HOTAIR: variants seen among roughly 807,000 people sequenced by gnomAD.
The protein encoded by HOTAIR is HOX transcript antisense RNA (non-protein coding).
Position 53,973,765 on chromosome 12 carries a change from GCGAGGCCAAGGGGGAGCC to G in HOTAIR, n.59+1115_59+1132del. On this transcript the variant is annotated intron_variant and non_coding_transcript_variant, in intron 1 of 6. Coordinates refer to ENST00000424518, the Ensembl canonical transcript of HOTAIR. The surrounding 1 kb of genome is among the most constrained non-coding windows in gnomAD (Gnocchi z 4.3). ...GCCGAGCCCCCCTGCTCCGGCAAGGGCGAGGCCAAGGGGGAGCCCGAGGCACCCCCGGCCTCGGGACTG... is the reference window on the plus strand; with the variant it reads ...GCCGAGCCCCCCTGCTCCGGCAAGGGCGAGGCACCCCCGGCCTCGGGACTG... The G allele has an allele frequency of 6.2e-7, 1 of 1,611,802 alleles. No homozygotes were observed. The highest frequency in any genetic ancestry group is 8.5e-7 in the Non-Finnish European group (1 of 1,179,276).
chr12:53,973,437 C>A lies in HOTAIR; in HGVS notation n.59+1461G>T, dbSNP rs1939184970. ...TCAGATCTCCTATCCCTACTCGGCC[C>A]AAGTGCCCCCGGTCCGGGAGGTCTC... On this transcript the variant is annotated intron_variant and non_coding_transcript_variant, in intron 1 of 6. Coordinates refer to ENST00000424518, the Ensembl canonical transcript of HOTAIR. This position sits in a 1 kb window ranked among gnomAD's most constrained non-coding sequence, Gnocchi z 4.3. 2 of 1,614,098 alleles carry A rather than the reference C, an allele frequency of 1.2e-6. No individual in the cohort carries two copies. The highest frequency in any genetic ancestry group is 2.7e-5 in the African/African-American group (2 of 74,936).
At chr12:53,971,504 GCAGCACCTTAT>G (rs1444003484) in intron 1 of HOTAIR, among the ~76,000 whole-genome samples, 10 of 152,210 alleles carry the variant, frequency 6.6e-5, no homozygotes, top group South Asian at 2.1e-4. Context: ...TTTGGGAGCC[GCAGCACCTTAT>G]CATGTTTCAT....
chr12:53,963,405 G>A (rs1362996876), exon 7 of HOTAIR: 1 of 152,228 alleles, frequency 6.6e-6, no homozygotes, highest in Non-Finnish European at 1.5e-5. Flanking sequence ...TCCTAAAATT[G>A]GTCCCATTTG....
intron 4 of HOTAIR, chr12:53,966,231 C>T (rs1172725516): frequency 1.3e-5 from 2 of 152,018 alleles, no homozygotes; most frequent in Non-Finnish European, 2.9e-5. Flanking sequence ...TCCTCCCCCT[C>T]CCTTCCCCCG....
chr12:53,968,165 A>C (rs566462224), intron 2 of HOTAIR: 1 of 152,428 alleles, frequency 6.6e-6, no homozygotes, highest in South Asian at 2.1e-4. Context: ...ACGCACCGGA[A>C]TGTTCCCCAA....
chr12:53,974,178 C>T (rs988671272), intron 1 of HOTAIR, among the ~76,000 whole-genome samples: 1 of 152,074 alleles, frequency 6.6e-6, no homozygotes, highest in Admixed American at 6.5e-5. Flanking sequence ...CCGGGTGAAC[C>T]CCCCTCCCCC....
chr12:53,974,858 A>C, intron 1 of HOTAIR: 1 of 262,402 alleles, frequency 3.8e-6, no homozygotes, highest in East Asian at 7.9e-5. Flanking sequence ...CCGAGGGCGG[A>C]GGGGGAGCAG....
chr12:53,973,885 A>C lies in HOTAIR; in HGVS notation n.59+1013T>G. On this transcript the variant is annotated intron_variant and non_coding_transcript_variant, in intron 1 of 6. Transcript: ENST00000424518. This position sits in a 1 kb window ranked among gnomAD's most constrained non-coding sequence, Gnocchi z 4.3. ...AATCCCAGCTCGTCCGGTTCAGCCC[A>C]CTCCGTGGCCAAGGAGCCGGCCAAA... The C allele has an allele frequency of 6.9e-7, 1 of 1,441,226 alleles. No individual in the cohort carries two copies. Among genetic ancestry groups the C allele is most frequent in the Non-Finnish European group, 9.1e-7 (1 of 1,095,660 alleles). 89.3% of individuals were successfully genotyped at this position (1,441,226 alleles called of 1,614,324 possible).
Position 53,973,948 on chromosome 12 carries a change from G to T in HOTAIR, n.59+950C>A. The T allele has an allele frequency of 7.0e-7, 1 of 1,434,860 alleles. No individual in the cohort carries two copies. Among genetic ancestry groups the T allele is most frequent in the Non-Finnish European group, 9.1e-7 (1 of 1,092,922 alleles). The allele number at this position is 1,434,860 out of a possible 1,614,324, so 88.9% of individuals were successfully genotyped here. A position where few individuals can be genotyped will look rare whatever the true frequency, so the allele number is the denominator to read the frequency against. On this transcript the variant is annotated intron_variant and non_coding_transcript_variant, in intron 1 of 6. Coordinates refer to ENST00000424518, the Ensembl canonical transcript of HOTAIR. This position sits in a 1 kb window ranked among gnomAD's most constrained non-coding sequence, Gnocchi z 4.3. ...AGTAGGTAGCAGCGGCCGGGGAACG[G>T]GCGGGCAGCGAGGGAGGGAGCGAGA...
At chr12:53,970,647 G>T (rs996849942) in intron 1 of HOTAIR, among the ~76,000 whole-genome samples, 1 of 152,224 alleles carries the variant, frequency 6.6e-6, no homozygotes, top group Admixed American at 6.5e-5. Flanking sequence ...GCGTTTCCTA[G>T]ACATCAACTC....
Position 53,973,526 on chromosome 12 carries a change from G to A in HOTAIR, n.59+1372C>T, listed in dbSNP as rs773228082. 4 of 1,613,596 alleles carry A rather than the reference G, an allele frequency of 2.5e-6. No individual in the cohort carries two copies. Among genetic ancestry groups the A allele is most frequent in the African/African-American group, 1.3e-5 (1 of 74,960 alleles). ...ACAGCTACTCCTCCTGCTATGCGGC[G>A]GCCGACGAGCTTATGCACCGGGAGT... On this transcript the variant is annotated intron_variant and non_coding_transcript_variant, in intron 1 of 6. Transcript: ENST00000424518. The surrounding 1 kb of genome is among the most constrained non-coding windows in gnomAD (Gnocchi z 4.3).
chr12:53,973,618 A>G lies in HOTAIR; in HGVS notation n.59+1280T>C. 2 of 1,611,206 alleles carry G rather than the reference A, an allele frequency of 1.2e-6. No homozygotes were observed. The highest frequency in any genetic ancestry group is 2.2e-5 in the East Asian group (1 of 44,750). The stretch of plus-strand genomic sequence containing the variant: ...GAAGGCTCCTACGGCGGCCACCACC[A>G]CCCCAGCGCCCCGCACGCAACCCCC... On this transcript the variant is annotated intron_variant and non_coding_transcript_variant, in intron 1 of 6. Coordinates refer to ENST00000424518, the Ensembl canonical transcript of HOTAIR. This position sits in a 1 kb window ranked among gnomAD's most constrained non-coding sequence, Gnocchi z 4.3.
At position 53,970,632 on chromosome 12, in the gene HOTAIR, C is replaced by A. The variant is rs76713470; in HGVS notation, n.60-1876G>T. 9.1e-3 allele frequency among the ~76,000 whole-genome samples: 1,385 copies of A among 152,334 alleles called. 22 individuals carry two copies. The highest frequency in any genetic ancestry group is 0.032 in the African/African-American group (1,327 of 41,572). On this transcript the variant is annotated intron_variant and non_coding_transcript_variant, in intron 1 of 6. Coordinates refer to ENST00000424518, the Ensembl canonical transcript of HOTAIR. ...CTTTCCAGAAGTCTCTGTTGGGAGA[C>A]CCCAGCGTTTCCTAGACATCAACTC...
chr12:53,970,285 G>A (rs1214684794), intron 1 of HOTAIR, among the ~76,000 whole-genome samples: 1 of 151,862 alleles, frequency 6.6e-6, no homozygotes, highest in Non-Finnish European at 1.5e-5. Flanking sequence ...GAAGGGATTG[G>A]GGGCCAGGGA....
intron 1 of HOTAIR, among the ~76,000 whole-genome samples, chr12:53,971,644 T>TG (rs1021728909): frequency 3.9e-5 from 6 of 152,350 alleles, no homozygotes; most frequent in African/African-American, 1.4e-4. Flanking sequence ...GCTGAGCCCT[T>TG]GGGGGCTTCG....
At chr12:53,966,688 T>A (rs1212969763) in intron 3 of HOTAIR, 1 of 152,294 alleles carries the variant, frequency 6.6e-6, no homozygotes, top group East Asian at 1.9e-4. Flanking sequence ...GGGGCAGCGA[T>A]CCCCGAGCGC....
chr12:53,973,399 A>G lies in HOTAIR; in HGVS notation n.59+1499T>C. ...TCCACGGTCTCCTCCTTCCTGCCCC[A>G]GGCCCCCTCTCGTCAGATCTCCTAT... On this transcript the variant is annotated intron_variant and non_coding_transcript_variant, in intron 1 of 6. Coordinates refer to ENST00000424518, the Ensembl canonical transcript of HOTAIR. This position sits in a 1 kb window ranked among gnomAD's most constrained non-coding sequence, Gnocchi z 4.3. 6.2e-7 allele frequency: 1 copy of G among 1,614,044 alleles called. No individual in the cohort carries two copies. Among genetic ancestry groups the G allele is most frequent in the Non-Finnish European group, 8.5e-7 (1 of 1,180,012 alleles).
chr12:53,967,631 A>G (rs980338990), intron 2 of HOTAIR, among the ~76,000 whole-genome samples: 2 of 152,176 alleles, frequency 1.3e-5, no homozygotes, highest in Non-Finnish European at 2.9e-5. Flanking sequence ...GGCAGTATCT[A>G]GAGTTCGGTG....
At chr12:53,972,422 G>A (rs1006063441) in intron 1 of HOTAIR, among the ~76,000 whole-genome samples, 3 of 152,214 alleles carry the variant, frequency 2.0e-5, no homozygotes, top group African/African-American at 7.2e-5. Context: ...CACCGGCTGG[G>A]CGGCTGGCGC....
Sources: gnomAD v4.1 joint callset for allele counts (sites outside exome capture counted in the v4.1 genomes callset) on GRCh38, gnomAD v4.1.1 for gene constraint, Gnocchi (gnomAD v3.1) non-coding constraint, MANE v1.5 for transcripts, NCBI Gene and HGNC (gene_info 2026-07-23, HGNC 2026-07-21) for gene names.